Variants in OR1A1 observed in about 807,000 individuals in gnomAD.
The protein encoded by OR1A1 is olfactory receptor 1A1.
For missense variants in OR1A1, 391 were observed against 379.9 expected (o/e 1.03, Z -0.24); for synonymous variants, 145 against 147.8 (o/e 0.98, Z 0.13).
At chr17:3,211,459 C>G (rs1264801179) in intron 2 of OR1A1, among the ~76,000 whole-genome samples, 1 of 152,090 alleles carries the variant, frequency 6.6e-6, no homozygotes, top group Non-Finnish European at 1.5e-5. Context: ...CCTCAGCCTC[C>G]CAAGTAGCTG....
chr17:3,211,567 C>T (rs928749839), intron 2 of OR1A1, among the ~76,000 whole-genome samples: 4 of 152,268 alleles, frequency 2.6e-5, no homozygotes, highest in African/African-American at 9.6e-5. Context: ...AATGCCTGAC[C>T]TCAGGTAATC....
At chr17:3,214,473 A>C (rs1466193324) in intron 3 of OR1A1, 2 of 150,544 alleles carry the variant, frequency 1.3e-5, no homozygotes, top group Non-Finnish European at 3.0e-5. Context: ...CGGTGAGCCG[A>C]GATCACACCA....
chr17:3,209,635 G>T (rs1479003824), intron 2 of OR1A1, among the ~76,000 whole-genome samples: 1 of 152,130 alleles, frequency 6.6e-6, no homozygotes, highest in Admixed American at 6.5e-5. Context: ...TTAGCTGGGA[G>T]TGGTGGCACA....
Position 3,217,851 on chromosome 17 carries a change from T to G in OR1A1, c.*1301T>G, listed in dbSNP as rs1228059161. ...TAGAAGAAAACGTAGGCAATACCAT[T>G]CAGGACATAGGCATGGGCAAACTTC... is the stretch of plus-strand genomic sequence containing the variant. On this transcript the variant is annotated 3_prime_UTR_variant, in exon 4 of 4. Coordinates refer to ENST00000641732, the MANE Select transcript of OR1A1 (RefSeq NM_014565.3). 1 of 152,136 alleles carries G rather than the reference T, an allele frequency of 6.6e-6. No homozygotes were observed. Among genetic ancestry groups the G allele is most frequent in the African/African-American group, 2.4e-5 (1 of 41,402 alleles). 9.4% of individuals were successfully genotyped at this position (152,136 alleles called of 1,614,324 possible).
chr17:3,216,007 A>G lies in OR1A1; in HGVS notation c.387A>G (p.Pro129=), dbSNP rs745733894. 25 of 1,613,932 alleles carry G rather than the reference A, an allele frequency of 1.5e-5. No homozygotes were observed. Among genetic ancestry groups the G allele is most frequent in the Non-Finnish European group, 1.7e-5 (20 of 1,180,032 alleles). The change falls in exon 4 of 4, where the codon CCA becomes CCG. Residue 129 remains proline, a synonymous_variant. Transcript: ENST00000641732. ...AYDRAVAISR[P]LHYTTIMSPR... ...ATCGAGCTGTGGCCATCAGCCGCCC[A>G]CTTCACTACACAACAATTATGAGTC...
At position 3,207,751 on chromosome 17, in the gene OR1A1, C is replaced by T. The variant is rs2469794; in HGVS notation, c.-806C>T. 0.22 allele frequency: 33,100 copies of T among 152,218 alleles called. 3,693 individuals carry two copies. Among genetic ancestry groups the T allele is most frequent in the South Asian group, 0.28 (1,339 of 4,816 alleles). The allele number at this position is 152,218 out of a possible 1,614,324, so 9.4% of individuals were successfully genotyped here. A position where few individuals can be genotyped will look rare whatever the true frequency, so the allele number is the denominator to read the frequency against. On this transcript the variant is annotated 5_prime_UTR_variant, in exon 1 of 4. Transcript: ENST00000641732. The stretch of plus-strand genomic sequence containing the variant: ...ATTCCTGTGTCCTCCACCTCAGGAA[C>T]AGAGGATTGTTCCCCATCCTGCCAC...
In OR1A1 at chr17:3,216,751, T is replaced by C. The variant is rs1256520635; in HGVS notation, c.*201T>C. ...CACTTTCAACTCATTGCTGCTCTTT[T>C]TGGCAGAGTGGCAGCACAGGGATAT... On this transcript the variant is annotated 3_prime_UTR_variant, in exon 4 of 4. Coordinates refer to ENST00000641732, the MANE Select transcript of OR1A1 (RefSeq NM_014565.3). The C allele has an allele frequency of 1.9e-6, 1 of 530,884 alleles. No homozygotes were observed. Among genetic ancestry groups the C allele is most frequent in the Non-Finnish European group, 3.3e-6 (1 of 302,988 alleles). The allele number at this position is 530,884 out of a possible 1,614,324, so 32.9% of individuals were successfully genotyped here.
At chr17:3,211,396 A>G (rs1597292120) in intron 2 of OR1A1, among the ~76,000 whole-genome samples, 1 of 151,794 alleles carries the variant, frequency 6.6e-6, no homozygotes, top group Non-Finnish European at 1.5e-5. Context: ...GTGCAGTGGT[A>G]CAATCTCGGC....
Position 3,216,509 on chromosome 17 carries a change from G to A in OR1A1, c.889G>A (p.Ala297Thr). 1 of 1,613,852 alleles carries A rather than the reference G, an allele frequency of 6.2e-7. No homozygotes were observed. The highest frequency in any genetic ancestry group is 8.5e-7 in the Non-Finnish European group (1 of 1,179,834). ...CAGTCTGAGAAATCGGGACATGAAG[G>A]CTGCCCTGCGGAAACTCTTCAACAA... ...IYSLRNRDMK[A>T]ALRKLFNKRI... The change falls in exon 4 of 4, where the codon GCT becomes ACT. Residue 297 changes from alanine (A) to threonine (T), a missense_variant. Physicochemically the swap from Ala to Thr is moderately conservative, Grantham distance 58. Coordinates refer to ENST00000641732, the MANE Select transcript of OR1A1 (RefSeq NM_014565.3).
In OR1A1 at chr17:3,216,538, A is replaced by G; in HGVS notation, c.918A>G (p.Arg306=). Residue 306 remains arginine, a synonymous_variant, in exon 4 of 4, where the codon AGA becomes AGG. Coordinates refer to ENST00000641732, the MANE Select transcript of OR1A1 (RefSeq NM_014565.3). ...KAALRKLFNK[R]ISS ...CCCTGCGGAAACTCTTCAACAAGAGAATCTCCTCGTAACCAATGTGAGGGC... is the reference window on the plus strand; with the variant it reads ...CCCTGCGGAAACTCTTCAACAAGAGGATCTCCTCGTAACCAATGTGAGGGC... 1 of 1,610,986 alleles carries G rather than the reference A, an allele frequency of 6.2e-7. No homozygotes were observed. Among genetic ancestry groups the G allele is most frequent in the South Asian group, 1.1e-5 (1 of 90,854 alleles).
Position 3,217,825 on chromosome 17 carries a change from T to A in OR1A1, c.*1275T>A, listed in dbSNP as rs2048477855. On this transcript the variant is annotated 3_prime_UTR_variant, in exon 4 of 4. Transcript: ENST00000641732. The stretch of plus-strand genomic sequence containing the variant: ...CGTAAGACCTAAAACCATAAAAACC[T>A]TAGAAGAAAACGTAGGCAATACCAT... The A allele has an allele frequency of 6.6e-6, 1 of 152,102 alleles. No individual in the cohort carries two copies. The highest frequency in any genetic ancestry group is 2.4e-5 in the African/African-American group (1 of 41,406). The allele number at this position is 152,102 out of a possible 1,614,324, so 9.4% of individuals were successfully genotyped here.
chr17:3,211,562 C>G (rs2048441934), intron 2 of OR1A1, among the ~76,000 whole-genome samples: 1 of 152,160 alleles, frequency 6.6e-6, no homozygotes, highest in African/African-American at 2.4e-5. Context: ...TCTCAAATGC[C>G]TGACCTCAGG....
chr17:3,212,090 T>C (rs1005604098), intron 2 of OR1A1, among the ~76,000 whole-genome samples: 10 of 152,196 alleles, frequency 6.6e-5, no homozygotes, highest in African/African-American at 1.9e-4. Flanking sequence ...TATGAACTCT[T>C]ATCTTTTTGT....
Position 3,215,911 on chromosome 17 carries a change from C to T in OR1A1, c.291C>T (p.Cys97=), listed in dbSNP as rs2048465539. Residue 97 remains cysteine, a synonymous_variant, in exon 4 of 4, where the codon TGC becomes TGT. Coordinates refer to ENST00000641732, the MANE Select transcript of OR1A1 (RefSeq NM_014565.3). ...LGSKSISFGG[C]LTQMYFMIAL... ...GCAAATCCATCTCTTTTGGGGGATG[C>T]CTAACGCAGATGTATTTCATGATAG... 6.2e-7 allele frequency: 1 copy of T among 1,614,164 alleles called. No homozygotes were observed. Among genetic ancestry groups the T allele is most frequent in the Non-Finnish European group, 8.5e-7 (1 of 1,180,028 alleles).
In OR1A1 at chr17:3,207,819, T is replaced by A. The variant is rs1009535474; in HGVS notation, c.-738T>A. On this transcript the variant is annotated 5_prime_UTR_variant, in exon 1 of 4. Transcript: ENST00000641732. ...TGCCCTCAAACGGGATGCTAGCAGG[T>A]GCTAGATGAACTAACTGCAAACTTC... The A allele has an allele frequency of 6.6e-6, 1 of 152,288 alleles. No homozygotes were observed. The highest frequency in any genetic ancestry group is 1.5e-5 in the Non-Finnish European group (1 of 68,114). 9.4% of individuals were successfully genotyped at this position (152,288 alleles called of 1,614,324 possible).
rs567473369 is a variant in OR1A1 at position 3,215,872 on chromosome 17, C to T, written c.252C>T (p.Asn84=). 1.1e-5 allele frequency: 18 copies of T among 1,614,166 alleles called. No homozygotes were observed. In the Admixed American group the frequency reaches 1.5e-4, roughly 13 times the overall value. The change falls in exon 4 of 4, where the codon AAC becomes AAT. Residue 84 remains asparagine, a synonymous_variant. Transcript: ENST00000641732. ...SSVTIPKMLA[N]HLLGSKSISF... ...TAACCATCCCTAAGATGCTGGCCAA[C>T]CATCTCTTGGGCAGCAAATCCATCT...
intron 2 of OR1A1, among the ~76,000 whole-genome samples, chr17:3,211,574 A>G (rs2048442015): frequency 6.6e-6 from 1 of 151,994 alleles, no homozygotes; most frequent in Non-Finnish European, 1.5e-5. Flanking sequence ...GACCTCAGGT[A>G]ATCCGCCTGC....
rs1279115226 is a variant in OR1A1 at position 3,217,860 on chromosome 17, A to C, written c.*1310A>C. On this transcript the variant is annotated 3_prime_UTR_variant, in exon 4 of 4. Coordinates refer to ENST00000641732, the MANE Select transcript of OR1A1 (RefSeq NM_014565.3). ...ACGTAGGCAATACCATTCAGGACAT[A>C]GGCATGGGCAAACTTCATGTTTAAA... The C allele has an allele frequency of 6.6e-6, 1 of 152,250 alleles. No individual in the cohort carries two copies. Among genetic ancestry groups the C allele is most frequent in the Non-Finnish European group, 1.5e-5 (1 of 68,058 alleles). The allele number at this position is 152,250 out of a possible 1,614,324, so 9.4% of individuals were successfully genotyped here. A position where few individuals can be genotyped will look rare whatever the true frequency, so the allele number is the denominator to read the frequency against.
At chr17:3,209,176 C>T (rs75883760) in intron 2 of OR1A1, among the ~76,000 whole-genome samples, 178 bp downstream of exon 2, 17,975 of 152,042 alleles carry the variant, frequency 0.12, 1,359 homozygotes, top group African/African-American at 0.2. Flanking sequence ...TCTTTTATCC[C>T]TCGCCCCCTT....
Sources: allele counts gnomAD v4.1 joint callset (sites outside exome capture counted in the v4.1 genomes callset), GRCh38; gene constraint gnomAD v4.1.1; transcripts MANE v1.5; gene names NCBI Gene and HGNC (gene_info 2026-07-23, HGNC 2026-07-21).